CELF2: variants seen among roughly 807,000 people sequenced by gnomAD.
CELF2 encodes the protein CUGBP Elav-like family member 2.
Under a neutral mutation model 62.6 loss-of-function variants are expected in CELF2, and 8 were observed. That is an observed-to-expected ratio of 0.13 (90% confidence interval 0.07 to 0.23). The LOEUF (loss-of-function observed/expected upper bound fraction) is 0.23. Among genes scored for constraint, CELF2 ranks in the 10% least tolerant of loss-of-function variants. The probability of loss-of-function intolerance (pLI) is 1.00; values close to 1 mark genes in which losing one functional copy is unlikely to be tolerated. For synonymous variants in CELF2, 258 were observed against 250.0 expected (o/e 1.03, Z -0.30); for missense variants, 333 against 671.0 (o/e 0.50, Z 5.56).
rs978451968 is a variant in CELF2, at chr10:11,328,382, G to A, written c.1439-544G>A. 1.3e-5 allele frequency among the ~76,000 whole-genome samples: 2 copies of A among 152,242 alleles called. No individual in the cohort carries two copies. Among genetic ancestry groups the A allele is most frequent in the African/African-American group, 2.4e-5 (1 of 41,468 alleles). ...TGACCCATCCTCCAGCTAAACAGGT[G>A]TAGGCTCTGTGTGACAGACGATGGA... On this transcript the variant is annotated intron_variant, in intron 12 of 12. Coordinates refer to ENST00000633077, the MANE Select transcript of CELF2 (RefSeq NM_001326342.2). The surrounding 1 kb of genome is among the most constrained non-coding windows in gnomAD (Gnocchi z 6.4).
At chr10:11,001,780 C>CTT (rs35135935), upstream of CELF2, among the ~76,000 whole-genome samples, 179 of 150,862 alleles carry the variant, frequency 1.2e-3, no homozygotes, top group African/African-American at 4.0e-3. Context: ...TTAATTACTG[C>CTT]TTTTTTTTTG....
At chr10:10,638,145 C>T in the CELF2 span, among the ~76,000 whole-genome samples, 4 of 152,136 alleles carry the variant, frequency 2.6e-5, no homozygotes, top group Non-Finnish European at 5.9e-5. Flanking sequence ...GCACCCACCC[C>T]GCTGTCTTTT....
chr10:11,209,013 G>C (rs969082255), intron 2 of CELF2, among the ~76,000 whole-genome samples: 5 of 152,146 alleles, frequency 3.3e-5, no homozygotes, highest in African/African-American at 9.7e-5. Context: ...GGCGTAAAAG[G>C]CTGGAGGAGC....
intron 1 of CELF2, among the ~76,000 whole-genome samples, chr10:11,099,093 C>G (rs2050721961): frequency 6.6e-6 from 1 of 152,212 alleles, no homozygotes; most frequent in Admixed American, 6.5e-5. Flanking sequence ...TCCCATCTTT[C>G]AGGACCAGCA....
chr10:10,651,065 C>G, the CELF2 span, among the ~76,000 whole-genome samples: 1 of 151,778 alleles, frequency 6.6e-6, no homozygotes, highest in African/African-American at 2.4e-5. Flanking sequence ...TTGGGAAGCG[C>G]AAGGGGTCAG....
Position 10,983,883 on chromosome 10 carries a change from G to A in CELF2, c.89+63884G>A, listed in dbSNP as rs139294543. On this transcript the variant is annotated intron_variant, in intron 2 of 13. Transcript: ENST00000636488. This position sits in a 1 kb window ranked among gnomAD's most constrained non-coding sequence, Gnocchi z 5.2. ...CCTGGCCGATATATCTGTTATTAATGTAGGTTTTGAAGCTTGCCCTCGAGG... is the reference window on the plus strand; with the variant it reads ...CCTGGCCGATATATCTGTTATTAATATAGGTTTTGAAGCTTGCCCTCGAGG... 2.3e-3 allele frequency among the ~76,000 whole-genome samples: 348 copies of A among 152,290 alleles called. 5 individuals carry two copies. The highest frequency in any genetic ancestry group is 0.02 in the East Asian group (104 of 5,180).
chr10:10,514,543 C>A, the CELF2 span, among the ~76,000 whole-genome samples: 1 of 152,296 alleles, frequency 6.6e-6, no homozygotes, highest in African/African-American at 2.4e-5. Flanking sequence ...AGCTTCCTGG[C>A]ACTTCCTGAG....
the CELF2 span, among the ~76,000 whole-genome samples, chr10:10,766,779 T>C: frequency 2.7e-3 from 413 of 152,118 alleles, 8 homozygotes; most frequent in Non-Finnish European, 3.4e-4. Context: ...CCCTGTGGGG[T>C]TTTAGAGCTG....
chr10:11,139,029 GTAATTA>G (rs1302034093), intron 1 of CELF2, among the ~76,000 whole-genome samples: 3 of 152,174 alleles, frequency 2.0e-5, no homozygotes, highest in Non-Finnish European at 2.9e-5. Context: ...TACATATAAT[GTAATTA>G]TAATTAATAA....
chr10:10,721,467 C>T, the CELF2 span, among the ~76,000 whole-genome samples: 1 of 152,150 alleles, frequency 6.6e-6, no homozygotes, highest in Non-Finnish European at 1.5e-5. Flanking sequence ...TAATGTTTAC[C>T]AAGTGGAAGT....
intron 1 of CELF2, among the ~76,000 whole-genome samples, chr10:10,874,258 C>T (rs542247565): frequency 6.6e-6 from 1 of 152,244 alleles, no homozygotes; most frequent in South Asian, 2.1e-4. Flanking sequence ...TTCAAGGTTG[C>T]AGTGAGCCAT....
Position 11,197,603 on chromosome 10 carries a change from C to T in CELF2, c.272-19822C>T, listed in dbSNP as rs571880657. Among the ~76,000 whole-genome samples, 30 of 152,360 alleles carry T rather than the reference C, an allele frequency of 2.0e-4. No individual in the cohort carries two copies. In the South Asian group the frequency reaches 5.8e-3, roughly 29 times the overall value. ...CACTTTTCTGTTAAACAATCCAACA[C>T]GGAAGTAACACAGGCTGTCCTTTGG... On this transcript the variant is annotated intron_variant, in intron 2 of 12. Coordinates refer to ENST00000633077, the MANE Select transcript of CELF2 (RefSeq NM_001326342.2).
the CELF2 span, among the ~76,000 whole-genome samples, chr10:10,569,512 G>A: frequency 6.6e-6 from 1 of 152,094 alleles, no homozygotes; most frequent in African/African-American, 2.4e-5. Context: ...ATGAGATTTG[G>A]GTGGAGACAC....
At chr10:10,729,528 TTA>T in the CELF2 span, among the ~76,000 whole-genome samples, 1 of 152,152 alleles carries the variant, frequency 6.6e-6, no homozygotes, top group Non-Finnish European at 1.5e-5. Context: ...CATCATGGCA[TTA>T]TATGAGACAA....
rs140721644 is a variant in CELF2 at position 11,149,493 on chromosome 10, A to T, written c.75-15993A>T. On this transcript the variant is annotated intron_variant, in intron 1 of 12. Transcript: ENST00000633077. The stretch of plus-strand genomic sequence containing the variant: ...TCTAGGTGAAAATTCCTCAGGAACG[A>T]ATCTTTTCTATAAAGTAAATATGAG... Among the ~76,000 whole-genome samples, 706 of 152,318 alleles carry T rather than the reference A, an allele frequency of 4.6e-3. 3 individuals are homozygous for T. Among genetic ancestry groups the T allele is most frequent in the African/African-American group, 0.016 (673 of 41,568 alleles).
At position 10,814,214 on chromosome 10, in the gene CELF2, T is replaced by TAAAAAAAAAAAAAA. The variant is rs759524110; in HGVS notation, c.53+15410_53+15423dup. 6.8e-5 allele frequency among the ~76,000 whole-genome samples: 3 copies of TAAAAAAAAAAAAAA among 44,434 alleles called. 1 individual carries two copies. The highest frequency in any genetic ancestry group is 9.1e-5 in the African/African-American group (1 of 10,998). The allele number at this position is 44,434 out of a possible 152,430, so 29.2% of individuals were successfully genotyped here. A position where few individuals can be genotyped will look rare whatever the true frequency, so the allele number is the denominator to read the frequency against. ...AAGGAAGAAAGGGAAAGAAGAGTCCTAAAAAAAAAAAAAAAAAAAAAAAAA... is the reference window on the plus strand; with the variant it reads ...AAGGAAGAAAGGGAAAGAAGAGTCCTAAAAAAAAAAAAAAAAAAAAAAAAAAAAAAAAAAAAAAA... On this transcript the variant is annotated intron_variant, in intron 1 of 13. Coordinates refer to the CELF2 transcript ENST00000636488.
At chr10:10,747,079 T>C in the CELF2 span, among the ~76,000 whole-genome samples, 1 of 152,226 alleles carries the variant, frequency 6.6e-6, no homozygotes, top group East Asian at 1.9e-4. Flanking sequence ...TCAAGATTTT[T>C]TCAAGGATAG....
At chr10:11,081,298 G>A (rs2073967695) in intron 1 of CELF2, among the ~76,000 whole-genome samples, 1 of 152,284 alleles carries the variant, frequency 6.6e-6, no homozygotes, top group Non-Finnish European at 1.5e-5. Context: ...CAGCAGCCTA[G>A]GGGGAGGAAG....
Position 11,314,318 on chromosome 10 carries a change from A to G in CELF2, c.1096+60A>G. 1 of 1,612,658 alleles carries G rather than the reference A, an allele frequency of 6.2e-7. No homozygotes were observed. ...GACAGCCTTCCCCCAAATTCTCCAC[A>G]GAAAGTGGTCAGCCAGAAATGACCC... On this transcript the variant is annotated intron_variant, in intron 10 of 12. Coordinates refer to ENST00000633077, the MANE Select transcript of CELF2 (RefSeq NM_001326342.2). This position sits in a 1 kb window ranked among gnomAD's most constrained non-coding sequence, Gnocchi z 5.3.
Sources: gnomAD v4.1 joint callset for allele counts (sites outside exome capture counted in the v4.1 genomes callset) on GRCh38, gnomAD v4.1.1 for gene constraint, Gnocchi (gnomAD v3.1) non-coding constraint, MANE v1.5 for transcripts, NCBI Gene and HGNC (gene_info 2026-07-23, HGNC 2026-07-21) for gene names.